ZFAND3: variants seen among roughly 807,000 people sequenced by gnomAD.
ZFAND3 encodes the protein AN1-type zinc finger protein 3.
ZFAND3 carries 10 observed loss-of-function variants against 29.6 expected under a neutral mutation model. The ratio of observed to expected loss-of-function variants is 0.34; its 90% CI spans 0.21 to 0.57. The LOEUF is 0.57. ZFAND3 is among the 20% of genes least tolerant of loss of function. The pLI, the probability that ZFAND3 is intolerant of heterozygous loss-of-function variation, is 0.86. For synonymous variants in ZFAND3, 128 were observed against 112.6 expected, an observed-to-expected ratio of 1.14 and a Z score of -0.87; for missense variants, 230 against 304.5, an observed-to-expected ratio of 0.76 and a Z score of 1.82.
chr6:37,867,870 G>T (rs903596599), intron 1 of ZFAND3, among the ~76,000 whole-genome samples: 1 of 152,178 alleles, frequency 6.6e-6, no homozygotes, highest in African/African-American at 2.4e-5. Context: ...CTGGATTCTT[G>T]CCTTGGCTTT....
In ZFAND3 at chr6:38,096,333, G is replaced by T. The variant is rs753791035; in HGVS notation, c.361+13876G>T. ...GATTACAGGCACCTGCCACCACATC[G>T]GGCTAACTTTTGTATTTTTAGTAGA... On this transcript the variant is annotated intron_variant, in intron 4 of 5. Coordinates refer to ENST00000287218, the MANE Select transcript of ZFAND3 (RefSeq NM_021943.3). Among the ~76,000 whole-genome samples the T allele has an allele frequency of 2.0e-5, 3 of 151,900 alleles. 1 individual carries two copies. Among genetic ancestry groups the T allele is most frequent in the Non-Finnish European group, 4.4e-5 (3 of 67,972 alleles).
chr6:37,998,129 G>T (rs1328859295), intron 2 of ZFAND3, among the ~76,000 whole-genome samples: 2 of 152,180 alleles, frequency 1.3e-5, no homozygotes, highest in Non-Finnish European at 2.9e-5. Flanking sequence ...ACTGTAAAAA[G>T]AAATAGGCTG....
intron 3 of ZFAND3, among the ~76,000 whole-genome samples, chr6:38,071,370 C>A (rs1764451290): frequency 6.6e-6 from 1 of 151,914 alleles, no homozygotes; most frequent in Non-Finnish European, 1.5e-5. Flanking sequence ...AGCTCTTGAG[C>A]CCATCTGGAA....
At chr6:37,878,856 C>G (rs1017192364) in intron 1 of ZFAND3, among the ~76,000 whole-genome samples, 2 of 152,214 alleles carry the variant, frequency 1.3e-5, no homozygotes, top group Admixed American at 1.3e-4. Context: ...GGCACCCAAT[C>G]TCCGTGTTCC....
At chr6:37,852,738 CAG>C (rs1581709233) in intron 1 of ZFAND3, among the ~76,000 whole-genome samples, 1 of 143,952 alleles carries the variant, frequency 6.9e-6, no homozygotes. Flanking sequence ...TTTTTAAAGA[CAG>C]AGTCTTGTTC....
chr6:37,891,749 G>C (rs1246429846), intron 1 of ZFAND3, among the ~76,000 whole-genome samples: 1 of 152,020 alleles, frequency 6.6e-6, no homozygotes, highest in African/African-American at 2.4e-5. Flanking sequence ...TTGTTGTTGA[G>C]ACTGAGTCTC....
In ZFAND3 at chr6:38,082,563, G is replaced by A. The variant is rs1043677336; in HGVS notation, c.361+106G>A. The A allele has an allele frequency of 7.2e-5, 77 of 1,076,244 alleles. No individual in the cohort carries two copies. The Admixed American group carries it at 1.1e-3, about 15-fold the overall frequency. The allele number at this position is 1,076,244 out of a possible 1,614,324, so 66.7% of individuals were successfully genotyped here. On this transcript the variant is annotated intron_variant, in intron 4 of 5. Coordinates refer to ENST00000287218, the MANE Select transcript of ZFAND3 (RefSeq NM_021943.3). ...TTCTCAGGGTACTCTGATTTCTTCC[G>A]TCAGTTGTGAGGTGATATGTGCTTA...
intron 2 of ZFAND3, among the ~76,000 whole-genome samples, chr6:37,968,823 C>T (rs917556800): frequency 6.6e-6 from 1 of 152,230 alleles, no homozygotes; most frequent in South Asian, 2.1e-4. Context: ...CGCAAGCCAC[C>T]ATGCCCAGTT....
At chr6:37,930,123 C>G in intron 2 of ZFAND3, 124 bp downstream of exon 2, 2 of 969,220 alleles carry the variant, frequency 2.1e-6, no homozygotes, top group Non-Finnish European at 2.9e-6. Flanking sequence ...GTTTTCTTAG[C>G]TTGTGTGAGA....
intron 3 of ZFAND3, among the ~76,000 whole-genome samples, chr6:38,067,544 G>A (rs938762590): frequency 6.6e-6 from 1 of 152,196 alleles, no homozygotes; most frequent in African/African-American, 2.4e-5. Flanking sequence ...AGGTGTGTTG[G>A]ACAAACTCTT....
chr6:38,009,530 T>TA lies in ZFAND3; in HGVS notation c.113-52062dup, dbSNP rs566956614. 4.6e-5 allele frequency among the ~76,000 whole-genome samples: 7 copies of TA among 152,322 alleles called. No homozygotes were observed. In the East Asian group the frequency reaches 1.4e-3, roughly 29 times the overall value. On this transcript the variant is annotated intron_variant, in intron 2 of 5. Transcript: ENST00000287218. Reference sequence around the variant, plus strand: ...TTCCAAATCTCTCTTATACATCTGTTAGTCTACAAGAGCTTGCCAAAACTG... The same window carrying TA: ...TTCCAAATCTCTCTTATACATCTGTTAAGTCTACAAGAGCTTGCCAAAACTG...
chr6:38,071,509 A>G (rs1764453684), intron 3 of ZFAND3, among the ~76,000 whole-genome samples: 1 of 152,084 alleles, frequency 6.6e-6, no homozygotes, highest in Non-Finnish European at 1.5e-5. Context: ...AAAGACATAG[A>G]TCTGTTCCTA....
chr6:38,065,746 T>C (rs571349756), intron 3 of ZFAND3, among the ~76,000 whole-genome samples: 1 of 152,168 alleles, frequency 6.6e-6, no homozygotes, highest in African/African-American at 2.4e-5. Context: ...CTATAAGATA[T>C]TGTCACAATA....
At position 37,848,693 on chromosome 6, in the gene ZFAND3, C is replaced by G. The variant is rs527254592; in HGVS notation, c.71+28677C>G. On this transcript the variant is annotated intron_variant, in intron 1 of 5. Transcript: ENST00000287218. The stretch of plus-strand genomic sequence containing the variant: ...ACTTACAAACTGGAGAGAGAGCTGT[C>G]TCGCTTAGAATGTAACTGAGTTTAT... Among the ~76,000 whole-genome samples the G allele has an allele frequency of 2.6e-5, 4 of 152,300 alleles. No individual in the cohort carries two copies. The South Asian group carries it at 8.3e-4, about 32-fold the overall frequency.
At chr6:38,144,331 T>C (rs1040644207) in intron 5 of ZFAND3, among the ~76,000 whole-genome samples, 4 of 151,724 alleles carry the variant, frequency 2.6e-5, no homozygotes, top group African/African-American at 9.7e-5. Context: ...AAGTGGTTCA[T>C]GAGTTGATGT....
chr6:38,125,939 A>T (rs1457922399), intron 5 of ZFAND3, among the ~76,000 whole-genome samples: 3 of 151,942 alleles, frequency 2.0e-5, no homozygotes, highest in African/African-American at 7.3e-5. Context: ...TTTAGTTCTT[A>T]TTACATTATT....
At chr6:37,900,035 G>GTATAT (rs1765291124) in intron 1 of ZFAND3, among the ~76,000 whole-genome samples, 1 of 152,100 alleles carries the variant, frequency 6.6e-6, no homozygotes, top group Non-Finnish European at 1.5e-5. Flanking sequence ...TTTTATATCA[G>GTATAT]TATATGTAGA....
chr6:37,842,015 A>C (rs1231277200), intron 1 of ZFAND3, among the ~76,000 whole-genome samples: 1 of 152,148 alleles, frequency 6.6e-6, no homozygotes, highest in African/African-American at 2.4e-5. Flanking sequence ...TATAGGCGGC[A>C]CCTTGTTGCT....
chr6:37,843,457 A>G (rs1415121616), intron 1 of ZFAND3, among the ~76,000 whole-genome samples: 2 of 151,944 alleles, frequency 1.3e-5, no homozygotes, highest in East Asian at 3.9e-4. Flanking sequence ...ACTGCACTCC[A>G]GCCTGGGTGA....
Sources: allele counts gnomAD v4.1 joint callset (sites outside exome capture counted in the v4.1 genomes callset), GRCh38; gene constraint gnomAD v4.1.1; transcripts MANE v1.5; gene names NCBI Gene and HGNC (gene_info 2026-07-23, HGNC 2026-07-21).